The following DNAH12 variants were observed in gnomAD, a reference collection of about 807,000 sequenced individuals.
The protein encoded by DNAH12 is axonemal beta dynein heavy chain 12.
Under a neutral mutation model 371.5 loss-of-function variants are expected in DNAH12, and 285 were observed. The ratio of observed to expected loss-of-function variants is 0.77; its 90% confidence interval spans 0.70 to 0.85. The LOEUF (loss-of-function observed/expected upper bound fraction) is 0.85, where lower values mean the gene tolerates loss of function less well. DNAH12 is among the 40% of genes least tolerant of loss of function. The pLI is 0.00. For missense variants in DNAH12, 3,611 were observed against 3,689.4 expected, an observed-to-expected ratio of 0.98 and a Z score of 0.55; for synonymous variants, 1,200 against 1,213.0, an observed-to-expected ratio of 0.99 and a Z score of 0.22.
intron 4 of DNAH12, among the ~76,000 whole-genome samples, chr3:57,517,090 C>T (rs2068228257): frequency 1.3e-5 from 2 of 152,158 alleles, no homozygotes; most frequent in African/African-American, 4.8e-5. Context: ...CTTTCCACGG[C>T]TGGCTCCTTT....
At chr3:57,446,377 A>T in intron 26 of DNAH12, 107 bp from the exon 27 acceptor site, 2 of 1,438,598 alleles carry the variant, frequency 1.4e-6, no homozygotes, top group Non-Finnish European at 1.8e-6. Context: ...AATTTAGTAA[A>T]AGTTCCAAGG....
At chr3:57,502,846 A>AT (rs1184431723) in intron 9 of DNAH12, among the ~76,000 whole-genome samples, 14 of 151,820 alleles carry the variant, frequency 9.2e-5, no homozygotes, top group Admixed American at 7.9e-4. Context: ...TGCCTGGCCT[A>AT]TTTTTTGTAT....
Position 57,309,739 on chromosome 3 carries a change from C to A in DNAH12, c.11012G>T (p.Gly3671Val). ...LFESLLLTQGGSKQTGASGST... is the reference protein window; with the variant it reads ...LFESLLLTQGVSKQTGASGST... ...TCCTGAGGCTCCTGTCTGTTTGGAG[C>A]CTCCCTGGGTGAGGAGCAAGGACTC... Residue 3671 changes from glycine (G) to valine (V), a missense_variant, in exon 68 of 74, where the codon GGC (glycine) becomes GTC (valine). By Grantham distance (109) the Gly-to-Val change is moderately radical. Transcript: ENST00000495027. 1 of 1,550,850 alleles carries A rather than the reference C, an allele frequency of 6.4e-7. No individual in the cohort carries two copies. The highest frequency in any genetic ancestry group is 2.4e-5 in the East Asian group (1 of 40,888).
At chr3:57,446,394 A>G (rs1179170735) in intron 26 of DNAH12, 124 bp from the exon 27 acceptor site, 1 of 1,426,174 alleles carries the variant, frequency 7.0e-7, no homozygotes, top group East Asian at 2.5e-5. Flanking sequence ...AAGGATAAAA[A>G]CAATGTCTTT....
chr3:57,304,293 C>G (rs1278693320), intron 69 of DNAH12, among the ~76,000 whole-genome samples: 2 of 152,196 alleles, frequency 1.3e-5, no homozygotes, highest in Non-Finnish European at 2.9e-5. Flanking sequence ...ATCGGGGGAC[C>G]TCCCTTGGGA....
At chr3:57,474,744 G>C (rs1287119129) in intron 13 of DNAH12, among the ~76,000 whole-genome samples, 1 of 152,144 alleles carries the variant, frequency 6.6e-6, no homozygotes, top group Admixed American at 6.5e-5. Context: ...AGATCATGAG[G>C]TCAAGAGATG....
At chr3:57,404,330 G>T (rs571784376) in intron 42 of DNAH12, among the ~76,000 whole-genome samples, 1 of 152,086 alleles carries the variant, frequency 6.6e-6, no homozygotes, top group Non-Finnish European at 1.5e-5. Context: ...ATTATATCCA[G>T]TATTATACCA....
chr3:57,325,503 G>C (rs2153299124), intron 62 of DNAH12, among the ~76,000 whole-genome samples: 1 of 152,338 alleles, frequency 6.6e-6, no homozygotes, highest in Admixed American at 6.5e-5. Flanking sequence ...CAGACCTGCA[G>C]CTGAGGGTCC....
At chr3:57,449,358 C>T (rs1575616667) in intron 25 of DNAH12, among the ~76,000 whole-genome samples, 1 of 152,234 alleles carries the variant, frequency 6.6e-6, no homozygotes, top group African/African-American at 2.4e-5. Context: ...CTCCTCAGCC[C>T]TTGGGTGGTC....
At chr3:57,525,154 C>CAAAAAAAAAAAAA (rs5849213) in intron 2 of DNAH12, among the ~76,000 whole-genome samples, 6 of 109,464 alleles carry the variant, frequency 5.5e-5, no homozygotes, top group African/African-American at 1.6e-4. Context: ...AGAGGAGAAA[C>CAAAAAAAAAAAAA]AAAAAAAAAA....
chr3:57,347,015 C>T (rs2153318765), intron 60 of DNAH12, among the ~76,000 whole-genome samples: 1 of 152,246 alleles, frequency 6.6e-6, no homozygotes, highest in Admixed American at 6.5e-5. Context: ...GATGGGTTCA[C>T]TGAATAATTC....
chr3:57,513,984 G>A, intron 4 of DNAH12, among the ~76,000 whole-genome samples: 1 of 152,196 alleles, frequency 6.6e-6, no homozygotes. Flanking sequence ...GCAAAATACT[G>A]GAAACATTTA....
chr3:57,310,239 A>C (rs1249690041), intron 67 of DNAH12, among the ~76,000 whole-genome samples: 1 of 152,126 alleles, frequency 6.6e-6, no homozygotes, highest in African/African-American at 2.4e-5. Flanking sequence ...TAGAACTCTA[A>C]ACCCCCTTTC....
chr3:57,489,475 T>C (rs2067041887), intron 12 of DNAH12, 34 bp downstream of exon 12: 2 of 1,470,652 alleles, frequency 1.4e-6, no homozygotes, highest in African/African-American at 1.5e-5. Flanking sequence ...CTTTTAGCCA[T>C]ATAATTCTGA....
At chr3:57,415,655 A>G in intron 37 of DNAH12, 91 bp from the exon 38 acceptor site, 1 of 1,270,284 alleles carries the variant, frequency 7.9e-7, no homozygotes, top group South Asian at 1.8e-5. Flanking sequence ...AGTGTACATA[A>G]GAATCAAATC....
intron 54 of DNAH12, 50 bp from the exon 55 acceptor site, chr3:57,375,566 T>C (rs1427658935): frequency 6.6e-6 from 1 of 152,162 alleles, no homozygotes; most frequent in Non-Finnish European, 1.5e-5. Context: ...TTAACTGAAA[T>C]ATTTTTTAAA....
rs1359511075 is a variant in DNAH12 at position 57,357,270 on chromosome 3, A to G, written c.9439T>C (p.Phe3147Leu). ...RPIAKHSSVL[F>L]FSIADLANID... ...TTAGCCAGGTCTGCAATGCTAAAGA[A>G]TAACACTGACGAGTGTTTGGCGATG... The change falls in exon 59 of 74, where the codon TTC becomes CTC. Residue 3147 changes from phenylalanine to leucine, a missense_variant. This residue lies in a region of DNAH12 where 2,266 missense variants were observed against 2,236.9 expected (regional missense o/e 1.01). Transcript: ENST00000495027. The G allele has an allele frequency of 2.0e-5, 3 of 152,320 alleles. No individual in the cohort carries two copies. Among genetic ancestry groups the G allele is most frequent in the South Asian group, 2.1e-4 (1 of 4,822 alleles). 9.4% of individuals were successfully genotyped at this position (152,320 alleles called of 1,614,324 possible). A position where few individuals can be genotyped will look rare whatever the true frequency, so the allele number is the denominator to read the frequency against.
At chr3:57,313,311 C>T (rs501283) in intron 66 of DNAH12, among the ~76,000 whole-genome samples, 103,081 of 151,864 alleles carry the variant, frequency 0.68, 36,069 homozygotes, top group East Asian at 0.92. Context: ...GCCTGGACAA[C>T]GTAGCAAGAC....
At chr3:57,367,175 A>G (rs2063068590) in intron 56 of DNAH12, among the ~76,000 whole-genome samples, 1 of 152,124 alleles carries the variant, frequency 6.6e-6, no homozygotes, top group Non-Finnish European at 1.5e-5. Context: ...TAAAAATACT[A>G]AAAAAATTAG....
Sources: allele counts gnomAD v4.1 joint callset (sites outside exome capture counted in the v4.1 genomes callset), GRCh38; gene constraint gnomAD v4.1.1; regional missense constraint gnomAD v4.1.1; transcripts MANE v1.5; gene names NCBI Gene and HGNC (gene_info 2026-07-23, HGNC 2026-07-21).